CEP112: variants seen among roughly 807,000 people sequenced by gnomAD.
The protein encoded by CEP112 is centrosomal protein 112, also known as centrosomal protein of 112 kDa.
A neutral mutation model predicts 153.0 loss-of-function variants in CEP112; 127 were observed. The observed-to-expected ratio is 0.83, with a 90% CI of 0.72 to 0.96. CEP112 has a LOEUF of 0.96. Ranked by LOEUF, CEP112 falls within the 40% of genes least tolerant of loss-of-function variation. The pLI is 0.00. For synonymous variants in CEP112, 358 were observed against 374.4 expected, an observed-to-expected ratio of 0.96 and a Z score of 0.51; for missense variants, 1,089 against 1,101.2, an observed-to-expected ratio of 0.99 and a Z score of 0.16.
At chr17:65,833,976 C>G (rs534513302) in intron 21 of CEP112, among the ~76,000 whole-genome samples, 9 of 152,236 alleles carry the variant, frequency 5.9e-5, no homozygotes, top group African/African-American at 2.2e-4. Flanking sequence ...TTAACCAAAA[C>G]AGCCTGGTAC....
At chr17:66,008,059 T>G (rs1023677193) in intron 16 of CEP112, among the ~76,000 whole-genome samples, 1 of 152,192 alleles carries the variant, frequency 6.6e-6, no homozygotes, top group Non-Finnish European at 1.5e-5. Context: ...CTTTTCCAGC[T>G]TTATTGCCAT....
intron 24 of CEP112, among the ~76,000 whole-genome samples, chr17:65,683,013 C>A (rs2047606835): frequency 6.6e-6 from 1 of 152,196 alleles, no homozygotes; most frequent in African/African-American, 2.4e-5. Context: ...GTGGCTTACC[C>A]ATGATCACAT....
chr17:65,846,656 C>A, intron 21 of CEP112, among the ~76,000 whole-genome samples: 2 of 152,222 alleles, frequency 1.3e-5, no homozygotes, highest in Non-Finnish European at 2.9e-5. Context: ...ACAAGCTCCG[C>A]CTCCCGGGTT....
At chr17:66,034,173 T>A (rs1179196795) in intron 12 of CEP112, among the ~76,000 whole-genome samples, 1 of 152,200 alleles carries the variant, frequency 6.6e-6, no homozygotes, top group Non-Finnish European at 1.5e-5. Flanking sequence ...TGTCAAAATG[T>A]CCCTTCCATA....
intron 8 of CEP112, among the ~76,000 whole-genome samples, chr17:66,079,970 AACTGG>A: frequency 6.6e-6 from 1 of 152,090 alleles, no homozygotes; most frequent in African/African-American, 2.4e-5. Context: ...AGAAAAATGA[AACTGG>A]ACTCCTTCCT....
intron 21 of CEP112, among the ~76,000 whole-genome samples, chr17:65,832,908 G>A (rs927995339): frequency 9.2e-5 from 14 of 151,962 alleles, no homozygotes; most frequent in African/African-American, 3.1e-4. Flanking sequence ...AACAAAAAAA[G>A]AAAACTTTAG....
At chr17:65,861,791 T>C (rs987966519) in intron 20 of CEP112, among the ~76,000 whole-genome samples, 3 of 152,222 alleles carry the variant, frequency 2.0e-5, no homozygotes, top group Non-Finnish European at 4.4e-5. Flanking sequence ...ACATTATTGA[T>C]TTGGGTGTAA....
chr17:65,953,381 G>A (rs566944209), intron 18 of CEP112, among the ~76,000 whole-genome samples: 43 of 152,322 alleles, frequency 2.8e-4, no homozygotes, highest in Admixed American at 6.5e-4. Flanking sequence ...GAAGTGTATG[G>A]AGACTCACAT....
At chr17:65,733,898 T>C (rs2050650682) in intron 23 of CEP112, among the ~76,000 whole-genome samples, 1 of 152,170 alleles carries the variant, frequency 6.6e-6, no homozygotes, top group South Asian at 2.1e-4. Context: ...CCAAAAGTCC[T>C]CCGAAAAACA....
At position 65,927,680 on chromosome 17, in the gene CEP112, C is replaced by A; in HGVS notation, c.1882G>T (p.Val628Leu). 6.5e-7 allele frequency: 1 copy of A among 1,542,230 alleles called. No individual in the cohort carries two copies. The highest frequency in any genetic ancestry group is 1.3e-5 in the South Asian group (1 of 76,950). Residue 628 changes from valine (V) to leucine (L), a missense_variant, in exon 19 of 27, where the codon GTG becomes TTG. Transcript: ENST00000535342. ...YAEMKEQMEK[V>L]EADLTRSKSL... Reference sequence around the variant, plus strand: ...TTGGATCTAGTTAGATCTGCCTCCACTTTTTCCATCTATAAAATTTAAAAA... The same window carrying A: ...TTGGATCTAGTTAGATCTGCCTCCAATTTTTCCATCTATAAAATTTAAAAA...
At chr17:66,187,587 G>A (rs2072986315) in intron 1 of CEP112, among the ~76,000 whole-genome samples, 1 of 152,088 alleles carries the variant, frequency 6.6e-6, no homozygotes, top group South Asian at 2.1e-4. Flanking sequence ...ATTCCTTCTC[G>A]GTCTCTCAAT....
chr17:66,128,950 TTGA>T (rs1170351969), intron 6 of CEP112, among the ~76,000 whole-genome samples: 17 of 152,306 alleles, frequency 1.1e-4, no homozygotes, highest in African/African-American at 4.1e-4. Flanking sequence ...CAGGTCTCTG[TTGA>T]TTTTTATTCC....
intron 24 of CEP112, among the ~76,000 whole-genome samples, chr17:65,648,705 T>C (rs1278623656): frequency 1.3e-5 from 2 of 152,162 alleles, no homozygotes; most frequent in African/African-American, 4.8e-5. Flanking sequence ...ATAATTTCAT[T>C]AAAAATAGCG....
chr17:66,050,786 T>C (rs1055589992), intron 12 of CEP112, among the ~76,000 whole-genome samples: 1 of 152,136 alleles, frequency 6.6e-6, no homozygotes, highest in African/African-American at 2.4e-5. Context: ...TCAGGTTCCT[T>C]CACTGCTGAT....
intron 3 of CEP112, 78 bp from the exon 4 acceptor site, chr17:66,175,294 G>A (rs1289514271): frequency 1.2e-5 from 12 of 1,030,160 alleles, no homozygotes; most frequent in Non-Finnish European, 1.4e-5. Flanking sequence ...CAAGTTTCAA[G>A]TTTGAAAACA....
At chr17:65,692,430 T>A (rs1221269647) in intron 23 of CEP112, among the ~76,000 whole-genome samples, 1 of 152,104 alleles carries the variant, frequency 6.6e-6, no homozygotes, top group Non-Finnish European at 1.5e-5. Context: ...GGTTTCACCA[T>A]GTTAGCCAGG....
intron 22 of CEP112, among the ~76,000 whole-genome samples, chr17:65,743,638 A>C (rs933741276): frequency 6.6e-6 from 1 of 152,226 alleles, no homozygotes; most frequent in Non-Finnish European, 1.5e-5. Context: ...TTCTTCAGTC[A>C]CCTAATTCTA....
At chr17:66,102,025 T>G (rs956075437) in intron 6 of CEP112, among the ~76,000 whole-genome samples, 4 of 151,786 alleles carry the variant, frequency 2.6e-5, no homozygotes, top group African/African-American at 9.7e-5. Flanking sequence ...TGAGAAAAGT[T>G]TCACCATCTC....
chr17:65,768,450 T>C (rs2053133887), intron 21 of CEP112, among the ~76,000 whole-genome samples: 1 of 152,000 alleles, frequency 6.6e-6, no homozygotes, highest in Non-Finnish European at 1.5e-5. Context: ...TCAACACTAC[T>C]TCCTAACACA....
Sources: allele counts gnomAD v4.1 joint callset (sites outside exome capture counted in the v4.1 genomes callset), GRCh38; gene constraint gnomAD v4.1.1; transcripts MANE v1.5; gene names NCBI Gene and HGNC (gene_info 2026-07-23, HGNC 2026-07-21).